Variants in PLCB1 observed in about 807,000 individuals in gnomAD.
The protein encoded by PLCB1 is 1-phosphatidylinositol 4,5-bisphosphate phosphodiesterase beta-1.
A neutral mutation model predicts 161.8 loss-of-function variants in PLCB1; 46 were observed. The ratio of observed to expected loss-of-function variants is 0.28; its 90% CI spans 0.22 to 0.36. The LOEUF (loss-of-function observed/expected upper bound fraction) is 0.36. Among genes scored for constraint, PLCB1 ranks in the 10% least tolerant of loss-of-function variants. The pLI is 1.00. For missense variants in PLCB1, 1,016 were observed against 1,472.5 expected (o/e 0.69, Z 5.07); for synonymous variants, 517 against 503.7 (o/e 1.03, Z -0.35).
At chr20:8,561,159 G>A (rs907138775) in intron 3 of PLCB1, among the ~76,000 whole-genome samples, 1 of 151,942 alleles carries the variant, frequency 6.6e-6, no homozygotes, top group African/African-American at 2.4e-5. Flanking sequence ...CGTTAGTGGA[G>A]AGAATTTGTC....
At chr20:8,453,122 G>A (rs1981147415) in intron 3 of PLCB1, among the ~76,000 whole-genome samples, 1 of 152,064 alleles carries the variant, frequency 6.6e-6, no homozygotes, top group Admixed American at 6.5e-5. Context: ...TTTGTTTCTG[G>A]CATCGCATCC....
At chr20:8,166,017 T>A (rs2051671143) in intron 2 of PLCB1, among the ~76,000 whole-genome samples, 1 of 152,194 alleles carries the variant, frequency 6.6e-6, no homozygotes, top group Non-Finnish European at 1.5e-5. Flanking sequence ...TCCCTTCCCT[T>A]TCTTATGTTG....
intron 31 of PLCB1, among the ~76,000 whole-genome samples, chr20:8,824,389 G>T (rs900180471): frequency 1.9e-4 from 27 of 139,472 alleles, no homozygotes; most frequent in Admixed American, 1.7e-3. Flanking sequence ...GGTTTAAAAT[G>T]CTGGCTGCAT....
chr20:8,327,419 G>A (rs968153775), intron 2 of PLCB1, among the ~76,000 whole-genome samples: 1 of 152,200 alleles, frequency 6.6e-6, no homozygotes, highest in East Asian at 1.9e-4. Context: ...ATAAATCACA[G>A]ATGTTCACAT....
chr20:8,363,624 C>T (rs982116585), intron 2 of PLCB1, among the ~76,000 whole-genome samples: 1 of 152,094 alleles, frequency 6.6e-6, no homozygotes, highest in Non-Finnish European at 1.5e-5. Flanking sequence ...GAGTGATAGC[C>T]CAGCACCTTT....
chr20:8,854,701 A>C (rs948146205), intron 31 of PLCB1, among the ~76,000 whole-genome samples: 2 of 152,212 alleles, frequency 1.3e-5, no homozygotes, highest in African/African-American at 4.8e-5. Context: ...CAAAAGGAAA[A>C]CTGAAAAGCG....
intron 2 of PLCB1, among the ~76,000 whole-genome samples, chr20:8,344,049 A>G (rs567643473): frequency 1.3e-5 from 2 of 152,198 alleles, no homozygotes; most frequent in South Asian, 2.1e-4. Flanking sequence ...TAACCTTCAC[A>G]TTGGTCTGCC....
intron 31 of PLCB1, among the ~76,000 whole-genome samples, chr20:8,822,228 G>C (rs905261287): frequency 2.0e-5 from 3 of 152,194 alleles, no homozygotes; most frequent in African/African-American, 7.2e-5. Context: ...TTGGGCAATA[G>C]AAGGTTGCAT....
At chr20:8,523,486 CT>C (rs1600126113) in intron 3 of PLCB1, among the ~76,000 whole-genome samples, 8 of 61,164 alleles carry the variant, frequency 1.3e-4, no homozygotes, top group African/African-American at 4.5e-4. Flanking sequence ...CTCTCTCTCT[CT>C]CTCTCTCTCT....
chr20:8,659,476 T>C (rs1045074064), intron 9 of PLCB1, among the ~76,000 whole-genome samples: 3 of 152,160 alleles, frequency 2.0e-5, no homozygotes, highest in Non-Finnish European at 2.9e-5. Flanking sequence ...TATTGCAGAT[T>C]GCCTAGATAT....
chr20:8,878,982 C>T (rs533643173), intron 31 of PLCB1, among the ~76,000 whole-genome samples: 2 of 152,130 alleles, frequency 1.3e-5, no homozygotes, highest in Non-Finnish European at 2.9e-5. Context: ...TTATTAGTCC[C>T]CAGTGTCAAT....
chr20:8,133,261 C>T (rs974629647), intron 1 of PLCB1, among the ~76,000 whole-genome samples: 42 of 152,284 alleles, frequency 2.8e-4, no homozygotes, highest in African/African-American at 9.4e-4. Flanking sequence ...GAGGACACAA[C>T]GGTCCAGCCA....
intron 3 of PLCB1, among the ~76,000 whole-genome samples, chr20:8,546,313 C>CAAAA (rs369485988): frequency 1.9e-3 from 193 of 102,194 alleles, no homozygotes; most frequent in East Asian, 6.5e-3. Context: ...GACTCTATCT[C>CAAAA]AAAAAAAAAA....
At chr20:8,725,599 G>A (rs781127103) in intron 16 of PLCB1, among the ~76,000 whole-genome samples, 33 of 152,102 alleles carry the variant, frequency 2.2e-4, no homozygotes, top group Non-Finnish European at 4.4e-4. Flanking sequence ...CTACAACAAA[G>A]AATTCAACTT....
intron 2 of PLCB1, among the ~76,000 whole-genome samples, chr20:8,210,458 G>A (rs560824088): frequency 2.6e-5 from 4 of 152,182 alleles, no homozygotes; most frequent in Non-Finnish European, 5.9e-5. Context: ...TTAAATCTGA[G>A]AAATTGGAAA....
chr20:8,435,738 A>G (rs1980270179), intron 3 of PLCB1, among the ~76,000 whole-genome samples: 1 of 152,184 alleles, frequency 6.6e-6, no homozygotes, highest in African/African-American at 2.4e-5. Context: ...TCCCTTAGTT[A>G]CAGTCTTATG....
intron 18 of PLCB1, among the ~76,000 whole-genome samples, chr20:8,732,760 G>GATATTAGAT: frequency 7.4e-6 from 1 of 135,052 alleles, no homozygotes; most frequent in East Asian, 2.0e-4. Flanking sequence ...TAATACATTA[G>GATATTAGAT]ATATTAGATA....
intron 31 of PLCB1, among the ~76,000 whole-genome samples, chr20:8,869,473 C>A (rs1483548039): frequency 6.6e-6 from 1 of 152,144 alleles, no homozygotes; most frequent in African/African-American, 2.4e-5. Context: ...AATTATTGTC[C>A]TAAATTGTAG....
intron 2 of PLCB1, among the ~76,000 whole-genome samples, chr20:8,224,571 A>G (rs1031957474): frequency 6.6e-6 from 1 of 152,204 alleles, no homozygotes; most frequent in Non-Finnish European, 1.5e-5. Context: ...ACACCTATGT[A>G]ATCATCACGC....
Sources: allele counts gnomAD v4.1 joint callset (sites outside exome capture counted in the v4.1 genomes callset), GRCh38; gene constraint gnomAD v4.1.1; transcripts MANE v1.5; gene names NCBI Gene and HGNC (gene_info 2026-07-23, HGNC 2026-07-21).